The following PPARGC1A variants were observed in gnomAD, a reference collection of about 807,000 sequenced individuals.
The protein encoded by PPARGC1A is PPARG coactivator 1 alpha.
In PPARGC1A, 25 loss-of-function variants were observed where a neutral mutation model predicts 88.7. The ratio of observed to expected loss-of-function variants is 0.28; its 90% CI spans 0.21 to 0.39. The LOEUF is 0.39. PPARGC1A is among the 10% of genes least tolerant of loss of function. The pLI is 1.00. For synonymous variants in PPARGC1A, 363 were observed against 355.6 expected (o/e 1.02, Z -0.24); for missense variants, 880 against 968.7 (o/e 0.91, Z 1.22).
chr4:23,851,031 A>G (rs1018008675), intron 2 of PPARGC1A, among the ~76,000 whole-genome samples: 1 of 152,192 alleles, frequency 6.6e-6, no homozygotes, highest in Admixed American at 6.5e-5. Flanking sequence ...CATTGCTTCT[A>G]ATGAGTTGCT....
At chr4:23,886,558 T>C (rs1256080254) in intron 1 of PPARGC1A, among the ~76,000 whole-genome samples, 1 of 152,152 alleles carries the variant, frequency 6.6e-6, no homozygotes, top group Non-Finnish European at 1.5e-5. Context: ...CAAAACTCTT[T>C]CCTTATCATT....
At chr4:24,347,439 G>A in the PPARGC1A span, among the ~76,000 whole-genome samples, 4 of 152,170 alleles carry the variant, frequency 2.6e-5, no homozygotes, top group South Asian at 8.3e-4. Flanking sequence ...GGGAGCTCCA[G>A]TGTTAGGTGC....
At chr4:24,138,243 G>A in the PPARGC1A span, among the ~76,000 whole-genome samples, 1 of 152,152 alleles carries the variant, frequency 6.6e-6, no homozygotes, top group Non-Finnish European at 1.5e-5. Flanking sequence ...TCCCCCTGAA[G>A]GTCAGAGAAC....
At chr4:24,312,498 G>T in the PPARGC1A span, among the ~76,000 whole-genome samples, 2 of 151,800 alleles carry the variant, frequency 1.3e-5, no homozygotes, top group South Asian at 4.2e-4. Flanking sequence ...AATCAACAAA[G>T]AAGACAGAGA....
the PPARGC1A span, among the ~76,000 whole-genome samples, chr4:24,121,348 C>T: frequency 4.9e-4 from 74 of 152,334 alleles, 2 homozygotes; most frequent in South Asian, 0.015. Flanking sequence ...AACCTCTGAA[C>T]ATGATCACAG....
At chr4:23,948,291 A>G in the PPARGC1A span, among the ~76,000 whole-genome samples, 2 of 152,134 alleles carry the variant, frequency 1.3e-5, no homozygotes, top group Non-Finnish European at 2.9e-5. Context: ...CTAAAAATAT[A>G]TATTAATTTT....
At chr4:24,416,090 A>T in the PPARGC1A span, among the ~76,000 whole-genome samples, 2 of 152,216 alleles carry the variant, frequency 1.3e-5, no homozygotes, top group Admixed American at 1.3e-4. Context: ...TAAGACCTTA[A>T]AATGCAGATG....
At chr4:24,117,683 G>C in the PPARGC1A span, among the ~76,000 whole-genome samples, 2 of 151,652 alleles carry the variant, frequency 1.3e-5, no homozygotes, top group Admixed American at 1.3e-4. Context: ...AATATCTGCC[G>C]CTTGATATGA....
the PPARGC1A span, among the ~76,000 whole-genome samples, chr4:24,286,146 G>A: frequency 6.0e-5 from 9 of 149,870 alleles, no homozygotes; most frequent in African/African-American, 2.2e-4. Context: ...TACCCACTAC[G>A]AAAGAGAACA....
At chr4:24,467,060 AAGAG>A in the PPARGC1A span, among the ~76,000 whole-genome samples, 6 of 136,200 alleles carry the variant, frequency 4.4e-5, no homozygotes, top group Non-Finnish European at 6.5e-5. Flanking sequence ...AAAAGAAAGA[AAGAG>A]AAAGAAAGAA....
At chr4:24,007,812 G>C in the PPARGC1A span, among the ~76,000 whole-genome samples, 5 of 152,090 alleles carry the variant, frequency 3.3e-5, no homozygotes, top group Non-Finnish European at 7.4e-5. Context: ...CTGGATGCTA[G>C]GCGGGTTCCT....
intron 2 of PPARGC1A, among the ~76,000 whole-genome samples, chr4:23,871,142 G>T (rs1005966501): frequency 6.6e-6 from 1 of 152,152 alleles, no homozygotes; most frequent in Non-Finnish European, 1.5e-5. Flanking sequence ...ACCTCCAAAT[G>T]TATCGAAACA....
the PPARGC1A span, among the ~76,000 whole-genome samples, chr4:23,987,993 A>G: frequency 7.5e-6 from 1 of 134,156 alleles, no homozygotes; most frequent in Non-Finnish European, 1.6e-5. Flanking sequence ...CCCTGTGTCC[A>G]TGTGTTCTCA....
chr4:23,939,519 G>T, the PPARGC1A span, among the ~76,000 whole-genome samples: 1 of 152,132 alleles, frequency 6.6e-6, no homozygotes, highest in African/African-American at 2.4e-5. Context: ...AGATTATCAT[G>T]ATCACAGGAT....
At chr4:24,401,464 A>T in the PPARGC1A span, among the ~76,000 whole-genome samples, 1 of 152,190 alleles carries the variant, frequency 6.6e-6, no homozygotes, top group Non-Finnish European at 1.5e-5. Flanking sequence ...TCCACGAAGA[A>T]TTCTCCACAC....
chr4:24,462,980 T>C, the PPARGC1A span, among the ~76,000 whole-genome samples: 1 of 152,046 alleles, frequency 6.6e-6, no homozygotes, highest in South Asian at 2.1e-4. Context: ...ACTTAGCAGG[T>C]GAAAAGTCTC....
chr4:24,162,521 A>G, the PPARGC1A span, among the ~76,000 whole-genome samples: 1 of 151,990 alleles, frequency 6.6e-6, no homozygotes, highest in African/African-American at 2.4e-5. Flanking sequence ...GGCTATATTG[A>G]AGAATCTTAC....
the PPARGC1A span, among the ~76,000 whole-genome samples, chr4:24,380,462 T>C: frequency 6.6e-6 from 1 of 152,114 alleles, no homozygotes; most frequent in Non-Finnish European, 1.5e-5. Context: ...TTGATTACTG[T>C]AGGAAAGAGT....
chr4:24,164,459 G>A, the PPARGC1A span, among the ~76,000 whole-genome samples: 4 of 152,178 alleles, frequency 2.6e-5, no homozygotes, highest in African/African-American at 9.7e-5. Flanking sequence ...CCACCGGGTT[G>A]CCCAGGAGAG....
Sources: allele counts gnomAD v4.1 joint callset (sites outside exome capture counted in the v4.1 genomes callset), GRCh38; gene constraint gnomAD v4.1.1; transcripts MANE v1.5; gene names NCBI Gene and HGNC (gene_info 2026-07-23, HGNC 2026-07-21).